Variants in GPR139 observed in about 807,000 individuals in gnomAD.
GPR139 encodes G protein-coupled receptor 139.
In GPR139, 12 loss-of-function variants were observed where a neutral mutation model predicts 25.8. The observed-to-expected ratio is 0.47, with a 90% CI of 0.30 to 0.75. The LOEUF (loss-of-function observed/expected upper bound fraction) is 0.75, where lower values mean the gene tolerates loss of function less well. Among genes scored for constraint, GPR139 ranks in the 30% least tolerant of loss-of-function variants. The pLI, the probability that GPR139 is intolerant of heterozygous loss-of-function variation, is 0.07. For missense variants in GPR139, 380 were observed against 450.2 expected, an observed-to-expected ratio of 0.84 and a Z score of 1.41; for synonymous variants, 184 against 179.9, an observed-to-expected ratio of 1.02 and a Z score of -0.18.
Position 20,032,442 on chromosome 16 carries a change from T to C in GPR139, c.355A>G (p.Thr119Ala), listed in dbSNP as rs1265354362. 2 of 1,614,042 alleles carry C rather than the reference T, an allele frequency of 1.2e-6. No individual in the cohort carries two copies. Among genetic ancestry groups the C allele is most frequent in the African/African-American group, 1.3e-5 (1 of 74,924 alleles). ...FSSIHTSIWI[T>A]VPLTIDRYIA... ...TACCTGTCAATGGTTAACGGTACAG[T>C]AATCCATATGGAGGTGTGGATGGAT... The change falls in exon 2 of 2, where the codon ACT becomes GCT. Residue 119 changes from threonine (T) to alanine (A), a missense_variant. Coordinates refer to ENST00000570682, the MANE Select transcript of GPR139 (RefSeq NM_001002911.4).
At chr16:20,067,855 G>T (rs987611781) in intron 1 of GPR139, among the ~76,000 whole-genome samples, 5 of 150,242 alleles carry the variant, frequency 3.3e-5, no homozygotes, top group African/African-American at 1.2e-4. Flanking sequence ...TTTTGAAAGG[G>T]GCAGTCAACC....
intron 1 of GPR139, among the ~76,000 whole-genome samples, chr16:20,044,796 C>G (rs1406585895): frequency 6.6e-6 from 1 of 152,104 alleles, no homozygotes; most frequent in Non-Finnish European, 1.5e-5. Flanking sequence ...GTGCTATTTT[C>G]ATCCCCTTAC....
intron 1 of GPR139, among the ~76,000 whole-genome samples, chr16:20,062,908 G>A (rs915121105): frequency 2.0e-5 from 3 of 152,052 alleles, no homozygotes; most frequent in Non-Finnish European, 4.4e-5. Context: ...CATGCTTCCA[G>A]CACACATATC....
chr16:20,064,390 A>C (rs947677093), intron 1 of GPR139, among the ~76,000 whole-genome samples: 1 of 151,988 alleles, frequency 6.6e-6, no homozygotes, highest in Non-Finnish European at 1.5e-5. Flanking sequence ...AAAACACAAA[A>C]AATTAGCTGG....
In GPR139 at chr16:20,029,967, C is replaced by T. The variant is rs2279022; in HGVS notation, c.*1768G>A. Reference sequence around the variant, plus strand: ...TTTTGAGGATCTTTTGCAAAGGTAACTTTGGCTCTGTAAGGTTTTATCTTT... The same window carrying T: ...TTTTGAGGATCTTTTGCAAAGGTAATTTTGGCTCTGTAAGGTTTTATCTTT... On this transcript the variant is annotated 3_prime_UTR_variant, in exon 2 of 2. Coordinates refer to ENST00000570682, the MANE Select transcript of GPR139 (RefSeq NM_001002911.4). Among the ~76,000 whole-genome samples the T allele has an allele frequency of 0.59, 90,084 of 151,948 alleles. 27,697 individuals carry two copies. Among genetic ancestry groups the T allele is most frequent in the Non-Finnish European group, 0.69 (47,059 of 67,968 alleles).
At chr16:20,045,814 T>C (rs554248042) in intron 1 of GPR139, among the ~76,000 whole-genome samples, 12 of 152,320 alleles carry the variant, frequency 7.9e-5, no homozygotes, top group Admixed American at 3.9e-4. Context: ...TGATTCTCCA[T>C]TGTTTTTGCC....
chr16:20,061,456 T>G (rs1021057900), intron 1 of GPR139, among the ~76,000 whole-genome samples: 1 of 152,176 alleles, frequency 6.6e-6, no homozygotes, highest in Non-Finnish European at 1.5e-5. Flanking sequence ...GATGTATGTA[T>G]GTATGTGTGA....
chr16:20,044,539 T>C (rs1403351282), intron 1 of GPR139, among the ~76,000 whole-genome samples: 8 of 151,958 alleles, frequency 5.3e-5, no homozygotes, highest in Admixed American at 5.2e-4. Flanking sequence ...ACAAGAGGGC[T>C]CTCCAGGGAG....
At chr16:20,046,922 T>C (rs2057356209) in intron 1 of GPR139, among the ~76,000 whole-genome samples, 1 of 151,976 alleles carries the variant, frequency 6.6e-6, no homozygotes, top group Non-Finnish European at 1.5e-5. Flanking sequence ...AGTTAAAAAA[T>C]CTGCTGAGTG....
At chr16:20,069,201 G>A (rs1034771567) in intron 1 of GPR139, among the ~76,000 whole-genome samples, 2 of 148,790 alleles carry the variant, frequency 1.3e-5, no homozygotes, top group African/African-American at 4.9e-5. Flanking sequence ...CATATTCCAG[G>A]CATTGTGCTC....
At chr16:20,044,646 T>A (rs763315882) in intron 1 of GPR139, among the ~76,000 whole-genome samples, 1 of 152,178 alleles carries the variant, frequency 6.6e-6, no homozygotes, top group Non-Finnish European at 1.5e-5. Context: ...TATATCGTAT[T>A]AGGCACTGAG....
At position 20,033,689 on chromosome 16, in the gene GPR139, C is replaced by T. The variant is rs185225084; in HGVS notation, c.128-1020G>A. Among the ~76,000 whole-genome samples, 6 of 152,202 alleles carry T rather than the reference C, an allele frequency of 3.9e-5. No homozygotes were observed. In the East Asian group the frequency reaches 7.7e-4, roughly 20 times the overall value. Reference sequence around the variant, plus strand: ...ATTTGTTTTTGGAATAGGTAATCTACGTACATGCTACATAATCAAAAATAA... The same window carrying T: ...ATTTGTTTTTGGAATAGGTAATCTATGTACATGCTACATAATCAAAAATAA... On this transcript the variant is annotated intron_variant, in intron 1 of 1. Transcript: ENST00000570682.
intron 1 of GPR139, among the ~76,000 whole-genome samples, chr16:20,064,732 G>A (rs72772774): frequency 0.038 from 5,841 of 152,230 alleles, 140 homozygotes; most frequent in Non-Finnish European, 0.056. Context: ...CTGAGGCTCC[G>A]AAAGGGTGAA....
At chr16:20,050,041 C>T (rs1239055472) in intron 1 of GPR139, among the ~76,000 whole-genome samples, 1 of 152,166 alleles carries the variant, frequency 6.6e-6, no homozygotes, top group Non-Finnish European at 1.5e-5. Flanking sequence ...TGTCAGTAAA[C>T]CTGAAGAACC....
At chr16:20,052,465 A>G (rs924495720) in intron 1 of GPR139, among the ~76,000 whole-genome samples, 4 of 152,238 alleles carry the variant, frequency 2.6e-5, no homozygotes, top group African/African-American at 7.2e-5. Flanking sequence ...ACACGATTCT[A>G]TAACTTTTTC....
chr16:20,065,007 G>T (rs1442864492), intron 1 of GPR139, among the ~76,000 whole-genome samples: 4 of 152,022 alleles, frequency 2.6e-5, no homozygotes, highest in Non-Finnish European at 4.4e-5. Flanking sequence ...ATATTTCTCT[G>T]TGTCTCCATC....
intron 1 of GPR139, among the ~76,000 whole-genome samples, chr16:20,042,322 G>A (rs559209000): frequency 7.2e-5 from 11 of 152,122 alleles, no homozygotes; most frequent in Admixed American, 1.3e-4. Flanking sequence ...TCCTAGAGGC[G>A]GGAATCTGCA....
intron 1 of GPR139, among the ~76,000 whole-genome samples, chr16:20,061,117 G>C (rs2057411627): frequency 6.6e-6 from 1 of 151,954 alleles, no homozygotes; most frequent in Non-Finnish European, 1.5e-5. Context: ...AAAAAAATGG[G>C]TCTTTTTTGG....
Position 20,031,647 on chromosome 16 carries a change from C to A in GPR139, c.*88G>T. 2 of 1,034,834 alleles carry A rather than the reference C, an allele frequency of 1.9e-6. No homozygotes were observed. Among genetic ancestry groups the A allele is most frequent in the Non-Finnish European group, 3.0e-6 (2 of 673,728 alleles). 64.1% of individuals were successfully genotyped at this position (1,034,834 alleles called of 1,614,324 possible). ...GGAGACAGGAAATCGGATTAGCACT[C>A]TTAAGGAGAGCTGCTCAGCCATAGG... On this transcript the variant is annotated 3_prime_UTR_variant, in exon 2 of 2. Transcript: ENST00000570682.
Sources: allele counts gnomAD v4.1 joint callset (sites outside exome capture counted in the v4.1 genomes callset), GRCh38; gene constraint gnomAD v4.1.1; transcripts MANE v1.5; gene names NCBI Gene and HGNC (gene_info 2026-07-23, HGNC 2026-07-21).